The following SCN8A variants were observed in gnomAD, a reference collection of about 807,000 sequenced individuals.
The protein encoded by SCN8A is sodium channel protein type 8 subunit alpha.
In SCN8A, 30 loss-of-function variants were observed where a neutral mutation model predicts 184.1. That is an observed-to-expected ratio of 0.16 (90% CI 0.12 to 0.22). The LOEUF (loss-of-function observed/expected upper bound fraction) is 0.22. Among genes scored for constraint, SCN8A ranks in the 10% least tolerant of loss-of-function variants. SCN8A has a pLI of 1.00. For synonymous variants in SCN8A, 852 were observed against 907.0 expected, an observed-to-expected ratio of 0.94 and a Z score of 1.09; for missense variants, 1,057 against 2,498.9, an observed-to-expected ratio of 0.42 and a Z score of 12.30.
chr12:51,655,520 C>T (rs1033414526), intron 1 of SCN8A, among the ~76,000 whole-genome samples: 2 of 151,838 alleles, frequency 1.3e-5, no homozygotes, highest in African/African-American at 4.8e-5. Context: ...CAGCTGGGAC[C>T]ACCAGGGGGA....
Position 51,751,425 on chromosome 12 carries a change from G to A in SCN8A, c.2202G>A (p.Glu734=). 3 of 1,613,960 alleles carry A rather than the reference G, an allele frequency of 1.9e-6. No individual in the cohort carries two copies. The highest frequency in any genetic ancestry group is 3.3e-4 in the Middle Eastern group (2 of 6,060). The change falls in exon 14 of 27, where the codon GAG becomes GAA. Residue 734 remains glutamate, a synonymous_variant. Transcript: ENST00000627620. ...TTGCCAACACTTTCCTCATCTGGGA[G>A]TGCCACCCCTACTGGATAAAACTGA... ...YKFANTFLIW[E]CHPYWIKLKE... is the part of the protein sequence containing the mutation.
chr12:51,721,599 C>G lies in SCN8A; in HGVS notation c.1689C>G (p.Ser563Arg). ...SPFLSRHNSKSSIFSFRGPGR... is the reference protein window; with the variant it reads ...SPFLSRHNSKRSIFSFRGPGR... The stretch of plus-strand genomic sequence containing the variant: ...TCCTCTCCCGCCACAACAGCAAGAG[C>G]AGCATCTTCAGTTTCAGGGGACCTG... The change falls in exon 12 of 27, where the codon AGC (serine) becomes AGG (arginine). Residue 563 changes from serine to arginine, a missense_variant. By Grantham distance (110) the Ser-to-Arg change is moderately radical. Coordinates refer to ENST00000627620, the MANE Select transcript of SCN8A (RefSeq NM_001330260.2). The G allele has an allele frequency of 6.2e-7, 1 of 1,613,302 alleles. No homozygotes were observed. The highest frequency in any genetic ancestry group is 8.5e-7 in the Non-Finnish European group (1 of 1,179,596).
At chr12:51,629,352 T>C (rs551463202) in intron 1 of SCN8A, among the ~76,000 whole-genome samples, 1 of 152,304 alleles carries the variant, frequency 6.6e-6, no homozygotes, top group East Asian at 1.9e-4. Flanking sequence ...GGGGCTGTTC[T>C]GTGCATTGTA....
chr12:51,744,468 A>C (rs887835120), intron 12 of SCN8A, among the ~76,000 whole-genome samples: 3 of 152,130 alleles, frequency 2.0e-5, no homozygotes, highest in Non-Finnish European at 2.9e-5. Context: ...CACAGATGTT[A>C]GTGTAGTAAT....
chr12:51,716,283 A>T (rs1365712154), intron 11 of SCN8A, among the ~76,000 whole-genome samples: 1 of 152,230 alleles, frequency 6.6e-6, no homozygotes, highest in African/African-American at 2.4e-5. Flanking sequence ...TGAGCCCAGG[A>T]GGTTGAGGCT....
At chr12:51,684,108 A>G (rs1941379766) in intron 2 of SCN8A, 66 bp from the exon 3 acceptor site, 4 of 836,062 alleles carry the variant, frequency 4.8e-6, no homozygotes, top group Non-Finnish European at 8.4e-6. Context: ...TTACCTAGAA[A>G]TCATTGTTTC....
At chr12:51,796,255 A>G (rs1433491627) in intron 26 of SCN8A, among the ~76,000 whole-genome samples, 6 of 152,194 alleles carry the variant, frequency 3.9e-5, no homozygotes, top group Non-Finnish European at 7.3e-5. Context: ...GAGGTTCCCA[A>G]GACATGTGGC....
chr12:51,769,847 C>T, intron 17 of SCN8A, 21 bp from the exon 18 acceptor site: 1 of 1,523,382 alleles, frequency 6.6e-7, no homozygotes, highest in Non-Finnish European at 9.0e-7. Flanking sequence ...TGCCTGATCT[C>T]CCTTTTCCTT....
chr12:51,748,557 G>T (rs1942548813), intron 13 of SCN8A, among the ~76,000 whole-genome samples: 3 of 152,076 alleles, frequency 2.0e-5, no homozygotes, highest in Admixed American at 6.5e-5. Context: ...GGGAGATCGT[G>T]GTGAAGTAAG....
chr12:51,667,795 A>G (rs1269705405), intron 2 of SCN8A, among the ~76,000 whole-genome samples: 2 of 152,062 alleles, frequency 1.3e-5, no homozygotes, highest in African/African-American at 2.4e-5. Flanking sequence ...TTTTTTGTTT[A>G]ATGGGTATAC....
chr12:51,604,053 A>G (rs1303028287), intron 1 of SCN8A, among the ~76,000 whole-genome samples: 2 of 152,162 alleles, frequency 1.3e-5, no homozygotes, highest in African/African-American at 2.4e-5. Context: ...TTATAGAGCT[A>G]AAGTTTTAAA....
chr12:51,692,359 A>C (rs1941525853), intron 6 of SCN8A, among the ~76,000 whole-genome samples: 1 of 152,154 alleles, frequency 6.6e-6, no homozygotes, highest in Non-Finnish European at 1.5e-5. Context: ...AGGACTCCTG[A>C]AGATTGGACA....
intron 10 of SCN8A, among the ~76,000 whole-genome samples, chr12:51,706,033 T>C (rs946818443): frequency 6.6e-6 from 1 of 152,228 alleles, no homozygotes; most frequent in Non-Finnish European, 1.5e-5. Flanking sequence ...TGAAAGACAT[T>C]TGTGATCTCA....
At chr12:51,596,526 A>G (rs1939353438) in intron 1 of SCN8A, among the ~76,000 whole-genome samples, 1 of 152,168 alleles carries the variant, frequency 6.6e-6, no homozygotes, top group African/African-American at 2.4e-5. Context: ...AATGTGAACA[A>G]TTTTGGTTTT....
At chr12:51,729,914 T>C (rs532624028) in intron 12 of SCN8A, among the ~76,000 whole-genome samples, 1 of 152,312 alleles carries the variant, frequency 6.6e-6, no homozygotes, top group African/African-American at 2.4e-5. Context: ...TGATGACTAA[T>C]TATCTTTTCC....
chr12:51,764,539 G>A (rs1182895015), intron 15 of SCN8A, among the ~76,000 whole-genome samples: 1 of 152,082 alleles, frequency 6.6e-6, no homozygotes, highest in African/African-American at 2.4e-5. Flanking sequence ...GGAGGCTGAG[G>A]CAGGAGAATC....
chr12:51,749,930 A>G (rs1942571286), intron 13 of SCN8A, among the ~76,000 whole-genome samples: 1 of 152,154 alleles, frequency 6.6e-6, no homozygotes, highest in East Asian at 1.9e-4. Context: ...ACAGGTTTTC[A>G]AAGTTCACCT....
chr12:51,671,920 A>G (rs897212746), intron 2 of SCN8A, among the ~76,000 whole-genome samples: 3 of 152,204 alleles, frequency 2.0e-5, no homozygotes, highest in Admixed American at 6.5e-5. Flanking sequence ...AGTTTGGCCT[A>G]TGGAACCAAG....
At chr12:51,638,780 C>T (rs951615460) in intron 1 of SCN8A, among the ~76,000 whole-genome samples, 24 of 151,952 alleles carry the variant, frequency 1.6e-4, no homozygotes, top group Non-Finnish European at 2.6e-4. Context: ...CCACCACACC[C>T]GGCCGGAAGG....
Sources: allele counts gnomAD v4.1 joint callset (sites outside exome capture counted in the v4.1 genomes callset), GRCh38; gene constraint gnomAD v4.1.1; transcripts MANE v1.5; gene names NCBI Gene and HGNC (gene_info 2026-07-23, HGNC 2026-07-21).